The following PATJ variants were observed in gnomAD, a reference collection of about 807,000 sequenced individuals.
PATJ encodes PATJ crumbs cell polarity complex component.
Under a neutral mutation model 224.9 loss-of-function variants are expected in PATJ, and 190 were observed. That is an observed-to-expected ratio of 0.84 (90% CI 0.75 to 0.95). PATJ has a LOEUF of 0.95. PATJ is among the 40% of genes least tolerant of loss of function. The pLI is 0.00. For synonymous variants in PATJ, 769 were observed against 820.3 expected, an observed-to-expected ratio of 0.94 and a Z score of 1.07; for missense variants, 2,121 against 2,270.3, an observed-to-expected ratio of 0.93 and a Z score of 1.34.
intron 27 of PATJ, among the ~76,000 whole-genome samples, chr1:61,944,049 C>T (rs1022199623): frequency 2.0e-5 from 3 of 152,168 alleles, no homozygotes; most frequent in African/African-American, 7.2e-5. Context: ...AGGACATCCA[C>T]ACCAAAACCC....
At chr1:61,746,042 G>A (rs1044536358) in intron 1 of PATJ, among the ~76,000 whole-genome samples, 1 of 151,954 alleles carries the variant, frequency 6.6e-6, no homozygotes, top group Non-Finnish European at 1.5e-5. Flanking sequence ...GGGTTCAAGC[G>A]ATTGTCCTGG....
chr1:61,866,470 A>G (rs1410369785), intron 20 of PATJ, among the ~76,000 whole-genome samples: 1 of 152,226 alleles, frequency 6.6e-6, no homozygotes, highest in African/African-American at 2.4e-5. Flanking sequence ...TAATGTCAGT[A>G]TCTACATTAT....
At chr1:62,136,217 A>C (rs1666851195) in intron 41 of PATJ, among the ~76,000 whole-genome samples, 1 of 151,642 alleles carries the variant, frequency 6.6e-6, no homozygotes, top group African/African-American at 2.4e-5. Flanking sequence ...TTTTTTGTAG[A>C]GATGGGGTTT....
chr1:61,771,936 G>A (rs1334993979), intron 6 of PATJ, among the ~76,000 whole-genome samples: 1 of 151,988 alleles, frequency 6.6e-6, no homozygotes. Flanking sequence ...TGGCCAGGCT[G>A]GTCTCGAACT....
chr1:62,139,508 T>C (rs1667285340), intron 41 of PATJ, among the ~76,000 whole-genome samples: 1 of 151,126 alleles, frequency 6.6e-6, no homozygotes, highest in African/African-American at 2.4e-5. Context: ...GTTCAGTCAG[T>C]CCCTGATGGT....
intron 6 of PATJ, 52 bp from the exon 7 acceptor site, chr1:61,775,154 G>C: frequency 6.5e-7 from 1 of 1,535,736 alleles, no homozygotes; most frequent in Non-Finnish European, 8.7e-7. Context: ...GGAAAGCTAA[G>C]AACCTGTGTG....
At chr1:61,907,671 A>C (rs974671989) in intron 24 of PATJ, among the ~76,000 whole-genome samples, 30 of 152,210 alleles carry the variant, frequency 2.0e-4, no homozygotes, top group African/African-American at 7.2e-4. Flanking sequence ...CTATCCGTTG[A>C]GACCACAGAA....
intron 7 of PATJ, among the ~76,000 whole-genome samples, chr1:61,777,166 A>G (rs1570425539): frequency 6.6e-6 from 1 of 152,260 alleles, no homozygotes; most frequent in African/African-American, 2.4e-5. Context: ...AAGGAAAACA[A>G]CTGACACTGT....
intron 17 of PATJ, among the ~76,000 whole-genome samples, chr1:61,853,178 G>A (rs1353258789): frequency 6.6e-6 from 1 of 152,138 alleles, no homozygotes; most frequent in Non-Finnish European, 1.5e-5. Flanking sequence ...GTGTAAATTA[G>A]TGCTCACAAT....
intron 22 of PATJ, among the ~76,000 whole-genome samples, chr1:61,898,223 G>A (rs1174765790): frequency 6.6e-6 from 1 of 152,114 alleles, no homozygotes; most frequent in Admixed American, 6.6e-5. Context: ...ATGATCTGCT[G>A]TGCTTACTTT....
intron 27 of PATJ, among the ~76,000 whole-genome samples, chr1:61,930,232 G>A (rs1675823958): frequency 6.6e-6 from 1 of 152,120 alleles, no homozygotes; most frequent in African/African-American, 2.4e-5. Flanking sequence ...AATTTGAACT[G>A]TATGGAGGTA....
intron 30 of PATJ, among the ~76,000 whole-genome samples, chr1:62,042,556 GATA>G (rs909556055): frequency 2.0e-5 from 3 of 151,974 alleles, no homozygotes; most frequent in African/African-American, 7.3e-5. Context: ...AATTGGACCT[GATA>G]ATAATAATTC....
At position 61,904,622 on chromosome 1, in the gene PATJ, A is replaced by C. The variant is rs142338099; in HGVS notation, c.3381+3163A>C. ...CTCAACTGCTATGAAGAAATACCTGAGAGTGTATAATTTATAAAACAAAGA... is the reference window on the plus strand; with the variant it reads ...CTCAACTGCTATGAAGAAATACCTGCGAGTGTATAATTTATAAAACAAAGA... On this transcript the variant is annotated intron_variant, in intron 24 of 43. Coordinates refer to ENST00000642238, the MANE Select transcript of PATJ (RefSeq NM_001350145.3). Among the ~76,000 whole-genome samples, 1,300 of 152,334 alleles carry C rather than the reference A, an allele frequency of 8.5e-3. 16 individuals carry two copies. The highest frequency in any genetic ancestry group is 0.028 in the African/African-American group (1,179 of 41,578).
At position 61,864,647 on chromosome 1, in the gene PATJ, A is replaced by G. The variant is rs201655083; in HGVS notation, c.2835+14A>G. The stretch of plus-strand genomic sequence containing the variant: ...CCTGAAAATGTGGTAAGAGATTAGA[A>G]TAGATATTCCACACCTCCCCTTCTG... On this transcript the variant is annotated intron_variant, in intron 20 of 43. Transcript: ENST00000642238. 1.1e-4 allele frequency: 172 copies of G among 1,572,574 alleles called. No homozygotes were observed. The highest frequency in any genetic ancestry group is 2.6e-5 in the Non-Finnish European group (30 of 1,159,000).
In PATJ at chr1:61,787,851, G is replaced by A. The variant is rs1280877129; in HGVS notation, c.947G>A (p.Cys316Tyr). The A allele has an allele frequency of 4.3e-6, 7 of 1,614,184 alleles. No individual in the cohort carries two copies. The highest frequency in any genetic ancestry group is 2.2e-5 in the East Asian group (1 of 44,888). The stretch of plus-strand genomic sequence containing the variant: ...CAAGTTGCACAAGTTCTAAGGAACT[G>A]TGGGAATTCAGTCAGGATGCTCGTT... ...SEQVAQVLRN[C>Y]GNSVRMLVAR... The change falls in exon 8 of 44, where the codon TGT becomes TAT. Residue 316 changes from cysteine to tyrosine, a missense_variant. Transcript: ENST00000642238.
chr1:61,890,541 A>G (rs541662265), intron 22 of PATJ, among the ~76,000 whole-genome samples: 88 of 152,028 alleles, frequency 5.8e-4, no homozygotes, highest in African/African-American at 1.7e-3. Context: ...TTGTCACCCA[A>G]TCTGGAGTGC....
chr1:62,154,977 C>G (rs1247750479), intron 43 of PATJ, among the ~76,000 whole-genome samples: 2 of 152,188 alleles, frequency 1.3e-5, no homozygotes, highest in Non-Finnish European at 2.9e-5. Flanking sequence ...AAAGGCAGCA[C>G]AGAAACATTC....
intron 20 of PATJ, among the ~76,000 whole-genome samples, chr1:61,871,453 ATG>A (rs372503653): frequency 1.6e-4 from 15 of 96,674 alleles, no homozygotes; most frequent in South Asian, 3.0e-4. Context: ...ACACATATAT[ATG>A]CGTATATATA....
chr1:61,771,760 C>A, intron 6 of PATJ, 134 bp downstream of exon 6: 1 of 661,892 alleles, frequency 1.5e-6, no homozygotes, highest in Non-Finnish European at 2.4e-6. Context: ...GCTCTTGTTG[C>A]CCAGGCTGGA....
Sources: gnomAD v4.1 joint callset for allele counts (sites outside exome capture counted in the v4.1 genomes callset) on GRCh38, gnomAD v4.1.1 for gene constraint, MANE v1.5 for transcripts, NCBI Gene and HGNC (gene_info 2026-07-23, HGNC 2026-07-21) for gene names.